The following SSH2 variants were observed in gnomAD, a reference collection of about 807,000 sequenced individuals.
The protein encoded by SSH2 is slingshot protein phosphatase 2.
SSH2 carries 37 observed loss-of-function variants against 135.2 expected under a neutral mutation model. That is an observed-to-expected ratio of 0.27 (90% confidence interval 0.21 to 0.36). The LOEUF is 0.36. Ranked by LOEUF, SSH2 falls within the 10% of genes least tolerant of loss-of-function variation. The pLI is 1.00. For synonymous variants in SSH2, 628 were observed against 646.2 expected (o/e 0.97, Z 0.43); for missense variants, 1,408 against 1,765.3 (o/e 0.80, Z 3.63).
intron 11 of SSH2, among the ~76,000 whole-genome samples, chr17:29,666,144 G>A (rs964201621): frequency 6.6e-6 from 1 of 152,200 alleles, no homozygotes; most frequent in African/African-American, 2.4e-5. Flanking sequence ...AGGACTAGGT[G>A]AGTGGATTGC....
intron 13 of SSH2, among the ~76,000 whole-genome samples, chr17:29,649,837 G>C (rs1223738090): frequency 6.6e-6 from 1 of 152,190 alleles, no homozygotes; most frequent in Admixed American, 6.5e-5. Flanking sequence ...GAGAATAAAG[G>C]AATAGGCTCA....
At chr17:29,646,320 C>G (rs1427401280) in intron 14 of SSH2, among the ~76,000 whole-genome samples, 1 of 152,114 alleles carries the variant, frequency 6.6e-6, no homozygotes, top group African/African-American at 2.4e-5. Context: ...CATTCAAGAC[C>G]TGGTACTGAG....
At chr17:29,755,762 C>T (rs2041095252) in intron 3 of SSH2, among the ~76,000 whole-genome samples, 1 of 150,516 alleles carries the variant, frequency 6.6e-6, no homozygotes, top group Non-Finnish European at 1.5e-5. Flanking sequence ...CCTGGGTTCA[C>T]GCCATTCTCC....
At chr17:29,889,155 T>C (rs2066299552) in intron 1 of SSH2, among the ~76,000 whole-genome samples, 1 of 151,770 alleles carries the variant, frequency 6.6e-6, no homozygotes, top group Non-Finnish European at 1.5e-5. Flanking sequence ...ATCATAAAAC[T>C]GTCAGAAGAG....
Position 29,640,082 on chromosome 17 carries a change from T to C in SSH2, c.1428-3280A>G, listed in dbSNP as rs1055258870. 6.0e-5 allele frequency among the ~76,000 whole-genome samples: 9 copies of C among 150,298 alleles called. No individual in the cohort carries two copies. The East Asian group carries it at 1.7e-3, about 29-fold the overall frequency. On this transcript the variant is annotated intron_variant, in intron 14 of 15. Coordinates refer to ENST00000540801, the MANE Select transcript of SSH2 (RefSeq NM_001282129.2). ...GAATCCTCCAAAGTATGTTTTTTTT[T>C]TGTTTTTTTTTTTTGAGACGGAGTC...
At chr17:29,819,550 G>A (rs2042617096) in intron 2 of SSH2, among the ~76,000 whole-genome samples, 1 of 151,962 alleles carries the variant, frequency 6.6e-6, no homozygotes, top group African/African-American at 2.4e-5. Flanking sequence ...CACACAAAAT[G>A]GTTTCGTTCT....
chr17:29,680,997 G>C (rs1014077896), intron 6 of SSH2, among the ~76,000 whole-genome samples: 2 of 151,980 alleles, frequency 1.3e-5, no homozygotes, highest in African/African-American at 4.8e-5. Context: ...TGATATACAG[G>C]AATCGACATT....
chr17:29,810,977 T>C (rs900483803), intron 2 of SSH2, among the ~76,000 whole-genome samples: 4 of 152,186 alleles, frequency 2.6e-5, no homozygotes, highest in Non-Finnish European at 5.9e-5. Context: ...GTATTTTATA[T>C]GTGGCCCAAG....
chr17:29,756,453 TCTG>T (rs2041126318), intron 3 of SSH2, among the ~76,000 whole-genome samples: 1 of 45,906 alleles, frequency 2.2e-5, no homozygotes, highest in Non-Finnish European at 5.9e-5. Context: ...TGCCTGCCTA[TCTG>T]TCTATCTATC....
At chr17:29,923,049 G>C (rs112662465) in intron 1 of SSH2, among the ~76,000 whole-genome samples, 4 of 152,046 alleles carry the variant, frequency 2.6e-5, no homozygotes, top group Non-Finnish European at 4.4e-5. Flanking sequence ...TAGCTGGAAC[G>C]ACAGGCATGT....
chr17:29,842,552 C>T (rs1374550965), intron 2 of SSH2, among the ~76,000 whole-genome samples: 1 of 151,856 alleles, frequency 6.6e-6, no homozygotes, highest in South Asian at 2.1e-4. Flanking sequence ...AGCCTTTGTA[C>T]CCAAGATTAC....
At chr17:29,709,375 A>G (rs1009595021) in intron 3 of SSH2, among the ~76,000 whole-genome samples, 2 of 152,184 alleles carry the variant, frequency 1.3e-5, no homozygotes, top group African/African-American at 4.8e-5. Flanking sequence ...ACAGAATAGA[A>G]TTTAAAAGTA....
chr17:29,736,283 T>C (rs995247701), intron 3 of SSH2, among the ~76,000 whole-genome samples: 6 of 152,188 alleles, frequency 3.9e-5, no homozygotes, highest in South Asian at 2.1e-4. Flanking sequence ...TCTAAACCTG[T>C]TGGACACTCT....
chr17:29,714,366 A>G (rs1466163241), intron 3 of SSH2, among the ~76,000 whole-genome samples: 1 of 152,218 alleles, frequency 6.6e-6, no homozygotes, highest in African/African-American at 2.4e-5. Flanking sequence ...CTTCCCAGGT[A>G]TTTAAAAACA....
At chr17:29,847,630 A>G (rs2043155687) in intron 2 of SSH2, among the ~76,000 whole-genome samples, 1 of 152,194 alleles carries the variant, frequency 6.6e-6, no homozygotes, top group Non-Finnish European at 1.5e-5. Flanking sequence ...GTATGAACTA[A>G]TAAGGCAAGA....
intron 2 of SSH2, among the ~76,000 whole-genome samples, chr17:29,799,600 C>T (rs1314686374): frequency 6.6e-6 from 1 of 152,170 alleles, no homozygotes; most frequent in African/African-American, 2.4e-5. Flanking sequence ...AAAATAAGCA[C>T]ACCAAAAGAA....
Position 29,713,490 on chromosome 17 carries a change from G to A in SSH2, c.189-10428C>T, listed in dbSNP as rs1598860488. Among the ~76,000 whole-genome samples, 3 of 152,192 alleles carry A rather than the reference G, an allele frequency of 2.0e-5. No individual in the cohort carries two copies. The East Asian group carries it at 5.8e-4, about 29-fold the overall frequency. On this transcript the variant is annotated intron_variant, in intron 3 of 15. Transcript: ENST00000540801. ...TTTTAGCTTTTAGCTTTTGGTTTGA[G>A]TTTTAAATTACTACCAAATCATGAA...
At chr17:29,776,999 G>C (rs773464217) in intron 3 of SSH2, among the ~76,000 whole-genome samples, 2 of 152,110 alleles carry the variant, frequency 1.3e-5, no homozygotes, top group Non-Finnish European at 2.9e-5. Context: ...ATCACCTGAA[G>C]TCAGGAGTTC....
intron 1 of SSH2, among the ~76,000 whole-genome samples, chr17:29,849,427 C>T (rs1043490826): frequency 2.1e-5 from 3 of 142,280 alleles, no homozygotes; most frequent in Non-Finnish European, 3.0e-5. Context: ...TGCAGTGAGC[C>T]GAGATCGCGC....
Sources: gnomAD v4.1 joint callset for allele counts (sites outside exome capture counted in the v4.1 genomes callset) on GRCh38, gnomAD v4.1.1 for gene constraint, MANE v1.5 for transcripts, NCBI Gene and HGNC (gene_info 2026-07-23, HGNC 2026-07-21) for gene names.